CSRP2: variants seen among roughly 807,000 people sequenced by gnomAD.
The protein encoded by CSRP2 is cysteine and glycine-rich protein 2.
In CSRP2, 18 loss-of-function variants were observed where a neutral mutation model predicts 24.6. The observed-to-expected ratio is 0.73, with a 90% CI of 0.51 to 1.09. CSRP2 has a LOEUF of 1.09. CSRP2 is among the 50% of genes least tolerant of loss of function. The probability of loss-of-function intolerance (pLI) is 0.00; values close to 1 mark genes in which losing one functional copy is unlikely to be tolerated. For synonymous variants in CSRP2, 87 were observed against 84.3 expected, an observed-to-expected ratio of 1.03 and a Z score of -0.18; for missense variants, 215 against 239.4, an observed-to-expected ratio of 0.90 and a Z score of 0.67.
intron 2 of CSRP2, 163 bp downstream of exon 2, chr12:76,865,986 C>T (rs1953730873): frequency 4.9e-6 from 3 of 607,302 alleles, no homozygotes; most frequent in African/African-American, 1.9e-5. Flanking sequence ...CTCCTGTCTT[C>T]GCTGCTAGGC....
intron 1 of CSRP2, among the ~76,000 whole-genome samples, chr12:76,874,262 T>A (rs1490590229): frequency 6.6e-6 from 1 of 152,232 alleles, no homozygotes; most frequent in African/African-American, 2.4e-5. Context: ...TAATTATTTT[T>A]GCCATGGAAA....
At chr12:76,863,731 T>A (rs901263388) in intron 2 of CSRP2, 11 of 165,138 alleles carry the variant, frequency 6.7e-5, no homozygotes, top group Non-Finnish European at 1.4e-4. Context: ...TAAAAATGCT[T>A]AAACAAAAGG....
Position 76,863,234 on chromosome 12 carries a change from G to T in CSRP2, c.223C>A (p.Gln75Lys), listed in dbSNP as rs1028590386. ...KYGPKGYGYG[Q>K]GAGTLNMDRG... Reference sequence around the variant, plus strand: ...TCCATGTTAAGCGTGCCAGCGCCCTGGCCATAACCGTAGCCTTTTGGCCCA... The same window carrying T: ...TCCATGTTAAGCGTGCCAGCGCCCTTGCCATAACCGTAGCCTTTTGGCCCA... Residue 75 changes from glutamine (Q) to lysine (K), a missense_variant, in exon 3 of 6, where the codon CAG becomes AAG. Coordinates refer to ENST00000311083, the MANE Select transcript of CSRP2 (RefSeq NM_001321.3). 1 of 1,614,218 alleles carries T rather than the reference G, an allele frequency of 6.2e-7. No homozygotes were observed. The highest frequency in any genetic ancestry group is 8.5e-7 in the Non-Finnish European group (1 of 1,180,042).
At chr12:76,859,474 CCAGTGA>C (rs1433832549) in intron 5 of CSRP2, 67 bp downstream of exon 5, 1 of 938,700 alleles carries the variant, frequency 1.1e-6, no homozygotes, top group Non-Finnish European at 1.6e-6. Context: ...TTTTTTAATG[CCAGTGA>C]CATTTCATTA....
chr12:76,869,437 T>TGCCTTATC (rs2137831869), intron 1 of CSRP2, among the ~76,000 whole-genome samples: 2 of 152,180 alleles, frequency 1.3e-5, no homozygotes, highest in African/African-American at 4.8e-5. Flanking sequence ...CAATCAACTG[T>TGCCTTATC]GCCTTATCTT....
At chr12:76,863,421 T>C (rs1341197425) in intron 2 of CSRP2, 77 bp from the exon 3 acceptor site, 5 of 1,453,990 alleles carry the variant, frequency 3.4e-6, no homozygotes, top group African/African-American at 2.8e-5. Context: ...CACAGACACA[T>C]GGCCTACAAA....
intron 3 of CSRP2, chr12:76,861,812 C>T (rs952657899): frequency 6.6e-6 from 1 of 152,094 alleles, no homozygotes; most frequent in African/African-American, 2.4e-5. Flanking sequence ...CAAAGTATAC[C>T]TCAGAGTTAC....
At chr12:76,870,937 C>T (rs1953789577) in intron 1 of CSRP2, among the ~76,000 whole-genome samples, 1 of 139,526 alleles carries the variant, frequency 7.2e-6, no homozygotes, top group Non-Finnish European at 1.5e-5. Flanking sequence ...TGCACCACTG[C>T]ACTCCAGCCT....
chr12:76,860,551 G>T, intron 3 of CSRP2, 138 bp from the exon 4 acceptor site: 1 of 965,516 alleles, frequency 1.0e-6, no homozygotes, highest in Non-Finnish European at 1.5e-6. Flanking sequence ...CCAGCACAGG[G>T]GAGGGAATAA....
chr12:76,867,934 C>T (rs774036981), intron 1 of CSRP2, among the ~76,000 whole-genome samples: 8 of 152,188 alleles, frequency 5.3e-5, no homozygotes, highest in Non-Finnish European at 1.0e-4. Context: ...AAGATGAGGC[C>T]TCTCCAAAAG....
rs1471480329 is a variant in CSRP2, at chr12:76,863,346, T to C, written c.113-2A>G. On this transcript the variant is annotated splice_acceptor_variant, in intron 2 of 5. Coordinates refer to ENST00000311083, the MANE Select transcript of CSRP2 (RefSeq NM_001321.3). LOFTEE classifies it high-confidence loss of function. ...TATCTAAATTTTTCCTGCAAACCAC[T>C]GCAGGGGAAAAAGTTAGACTTTACA... The C allele has an allele frequency of 6.2e-7, 1 of 1,613,718 alleles. No homozygotes were observed. Among genetic ancestry groups the C allele is most frequent in the African/African-American group, 1.3e-5 (1 of 74,928 alleles).
intron 3 of CSRP2, chr12:76,862,912 C>T: frequency 1.3e-6 from 2 of 1,522,110 alleles, no homozygotes; most frequent in Non-Finnish European, 1.7e-6. Flanking sequence ...GAAGTAAATA[C>T]AAATCACTTG....
chr12:76,875,475 C>A (rs368249947), intron 1 of CSRP2, among the ~76,000 whole-genome samples: 1 of 152,184 alleles, frequency 6.6e-6, no homozygotes, highest in African/African-American at 2.4e-5. Context: ...GCTCAGTAAC[C>A]CTGATCCCCA....
intron 1 of CSRP2, among the ~76,000 whole-genome samples, chr12:76,874,979 C>T (rs1953839214): frequency 6.6e-6 from 1 of 152,184 alleles, no homozygotes; most frequent in Non-Finnish European, 1.5e-5. Flanking sequence ...AGTTGGGTGA[C>T]TTGCTGAGGT....
chr12:76,862,878 C>G, intron 3 of CSRP2: 1 of 1,531,168 alleles, frequency 6.5e-7, no homozygotes, highest in Non-Finnish European at 8.7e-7. Context: ...TCATGACATC[C>G]GGTCTCCAAG....
At position 76,878,724 on chromosome 12, in the gene CSRP2, G is replaced by A. The variant is rs147065272; in HGVS notation, c.-2+214C>T. Among the ~76,000 whole-genome samples, 331 of 152,364 alleles carry A rather than the reference G, an allele frequency of 2.2e-3. 1 individual carries two copies. Among genetic ancestry groups the A allele is most frequent in the African/African-American group, 7.6e-3 (316 of 41,586 alleles). On this transcript the variant is annotated intron_variant, in intron 1 of 5. Transcript: ENST00000311083. ...TGGCCTGGACGGCCTCGGGGACAAG[G>A]GCAGGTGTGTTTGGGGGATAAGAGA...
At chr12:76,873,162 A>G (rs1307627097) in intron 1 of CSRP2, among the ~76,000 whole-genome samples, 3 of 152,160 alleles carry the variant, frequency 2.0e-5, no homozygotes, top group Non-Finnish European at 2.9e-5. Flanking sequence ...TTTTATTACT[A>G]CATGTAGGGC....
intron 3 of CSRP2, 93 bp from the exon 4 acceptor site, chr12:76,860,506 C>G: frequency 7.0e-7 from 1 of 1,428,320 alleles, no homozygotes; most frequent in Non-Finnish European, 9.5e-7. Flanking sequence ...GGGACTTAAC[C>G]GCTACACTGC....
chr12:76,870,769 T>C (rs1216105523), intron 1 of CSRP2, among the ~76,000 whole-genome samples: 1 of 151,906 alleles, frequency 6.6e-6, no homozygotes, highest in Admixed American at 6.6e-5. Flanking sequence ...ACTTTGGAAT[T>C]TGGAATTTAG....
Sources: gnomAD v4.1 joint callset for allele counts (sites outside exome capture counted in the v4.1 genomes callset) on GRCh38, gnomAD v4.1.1 for gene constraint, MANE v1.5 for transcripts, NCBI Gene and HGNC (gene_info 2026-07-23, HGNC 2026-07-21) for gene names.